Variants in SPATS2 observed in about 807,000 individuals in gnomAD.
SPATS2 encodes spermatogenesis associated serine rich 2.
SPATS2 carries 38 observed loss-of-function variants against 63.7 expected under a neutral mutation model. That is an observed-to-expected ratio of 0.60 (90% CI 0.46 to 0.78). The LOEUF (loss-of-function observed/expected upper bound fraction) is 0.78. SPATS2 is among the 30% of genes least tolerant of loss of function. The pLI is 0.00. For synonymous variants in SPATS2, 207 were observed against 232.9 expected (o/e 0.89, Z 1.01); for missense variants, 588 against 666.2 (o/e 0.88, Z 1.29).
At chr12:49,500,784 GAAA>G (rs917242854) in intron 9 of SPATS2, among the ~76,000 whole-genome samples, 1 of 144,610 alleles carries the variant, frequency 6.9e-6, no homozygotes, top group Non-Finnish European at 1.5e-5. Context: ...AAAAAGAAAA[GAAA>G]AAAAAAAGTC....
intron 2 of SPATS2, among the ~76,000 whole-genome samples, chr12:49,383,978 A>T (rs1320640317): frequency 6.6e-6 from 1 of 152,214 alleles, no homozygotes; most frequent in Non-Finnish European, 1.5e-5. Context: ...TTTACAGAAG[A>T]GTAAAGATAG....
chr12:49,494,306 T>C (rs1482907296), intron 6 of SPATS2, among the ~76,000 whole-genome samples: 1 of 152,234 alleles, frequency 6.6e-6, no homozygotes. Flanking sequence ...ATAATTGCAG[T>C]GCAGTTTTAA....
intron 3 of SPATS2, among the ~76,000 whole-genome samples, chr12:49,477,152 A>G (rs545191876): frequency 2.6e-5 from 4 of 152,124 alleles, no homozygotes; most frequent in African/African-American, 9.6e-5. Flanking sequence ...AGCTTATTCT[A>G]TTGCACCTAC....
At chr12:49,492,820 G>A (rs564125132) in intron 6 of SPATS2, among the ~76,000 whole-genome samples, 1 of 152,224 alleles carries the variant, frequency 6.6e-6, no homozygotes, top group South Asian at 2.1e-4. Context: ...ATGAGGCCGG[G>A]CACGGTGGTT....
In SPATS2 at chr12:49,496,984, T is replaced by TC; in HGVS notation, c.682dup (p.Leu228ProfsTer5). 6.4e-7 allele frequency: 1 copy of TC among 1,573,070 alleles called. No individual in the cohort carries two copies. The highest frequency in any genetic ancestry group is 1.4e-5 in the African/African-American group (1 of 72,498). On this transcript the variant is annotated frameshift_variant, in exon 8 of 14. Transcript: ENST00000552918. LOFTEE classifies it high-confidence loss of function. ...TTTCAAATATGGGGATGGAAGATGT[T>TC]CCCCTCGCCACCAGTAAAAAGCTAA...
chr12:49,385,971 C>G (rs1340076242), intron 2 of SPATS2, among the ~76,000 whole-genome samples: 1 of 150,382 alleles, frequency 6.6e-6, no homozygotes, highest in Admixed American at 6.6e-5. Flanking sequence ...TCAAGTGATT[C>G]TTGTGCCTCA....
intron 3 of SPATS2, among the ~76,000 whole-genome samples, chr12:49,468,660 A>G (rs919079488): frequency 1.3e-5 from 2 of 151,294 alleles, no homozygotes; most frequent in Middle Eastern, 3.4e-3. Context: ...TATTTTTTGT[A>G]GAGATGTGGT....
rs182885885 is a variant in SPATS2 at position 49,500,056 on chromosome 12, T to G, written c.704-14T>G. On this transcript the variant is annotated splice_polypyrimidine_tract_variant and intron_variant, in intron 8 of 13. Coordinates refer to ENST00000552918, the MANE Select transcript of SPATS2 (RefSeq NM_023071.4). ...TCTTTTTTTTTTTTTAATATTTCGGTTTTTTTCCCCAAGGTTCCAATATTG... is the reference window on the plus strand; with the variant it reads ...TCTTTTTTTTTTTTTAATATTTCGGGTTTTTTCCCCAAGGTTCCAATATTG... The G allele has an allele frequency of 1.1e-5, 16 of 1,439,476 alleles. No homozygotes were observed. Among genetic ancestry groups the G allele is most frequent in the Admixed American group, 1.1e-4 (4 of 36,910 alleles). 89.2% of individuals were successfully genotyped at this position (1,439,476 alleles called of 1,614,324 possible).
chr12:49,521,895 C>T (rs574753124), intron 11 of SPATS2, among the ~76,000 whole-genome samples: 10 of 152,202 alleles, frequency 6.6e-5, no homozygotes, highest in African/African-American at 2.2e-4. Context: ...TTCAGTGCTT[C>T]TGGTTGCTTC....
chr12:49,367,290 G>C, upstream of SPATS2: 1 of 357,854 alleles, frequency 2.8e-6, no homozygotes, highest in Non-Finnish European at 5.0e-6. Flanking sequence ...TGGCTGGCGC[G>C]CACGCGCCCG....
intron 2 of SPATS2, among the ~76,000 whole-genome samples, chr12:49,407,698 A>G (rs922392799): frequency 1.3e-4 from 20 of 152,128 alleles, no homozygotes; most frequent in Non-Finnish European, 2.9e-5. Context: ...TCTGGATCTG[A>G]TAGGCTCTGT....
rs1200608312 is a variant in SPATS2, at chr12:49,526,128, A to G, written c.1511A>G (p.Gln504Arg). The G allele has an allele frequency of 6.2e-7, 1 of 1,614,106 alleles. No homozygotes were observed. The highest frequency in any genetic ancestry group is 1.3e-5 in the African/African-American group (1 of 74,930). Residue 504 changes from glutamine to arginine, a missense_variant, in exon 14 of 14, where the codon CAG (glutamine) becomes CGG (arginine). Coordinates refer to ENST00000552918, the MANE Select transcript of SPATS2 (RefSeq NM_023071.4). ...CCAGGAAACACCATTGAAAGAGGCC[A>G]GACTCACTCTGCAGGGACCAATGGA... ...QAPGNTIERG[Q>R]THSAGTNGTG...
intron 9 of SPATS2, among the ~76,000 whole-genome samples, chr12:49,500,721 A>G (rs984310676): frequency 6.6e-6 from 1 of 152,044 alleles, no homozygotes; most frequent in Non-Finnish European, 1.5e-5. Context: ...GCAGTGAGCC[A>G]AGATCTCGCC....
intron 2 of SPATS2, among the ~76,000 whole-genome samples, chr12:49,397,994 T>C (rs1274250072): frequency 6.7e-6 from 1 of 149,710 alleles, no homozygotes; most frequent in East Asian, 2.0e-4. Flanking sequence ...TACAAAAAAA[T>C]ACAAAAATGA....
chr12:49,434,681 TA>T lies in SPATS2; in HGVS notation c.-243-26088del. Among the ~76,000 whole-genome samples, 3 of 152,324 alleles carry T rather than the reference TA, an allele frequency of 2.0e-5. No homozygotes were observed. The East Asian group carries it at 5.8e-4, about 29-fold the overall frequency. ...GCTGTACCCTCTGGTTCAGGAGTCA[TA>T]GTACTAGGGATGTGGTCTGTGACCA... On this transcript the variant is annotated intron_variant, in intron 2 of 13. Transcript: ENST00000552918.
At chr12:49,495,857 C>T (rs1016192369) in intron 7 of SPATS2, among the ~76,000 whole-genome samples, 9 of 152,124 alleles carry the variant, frequency 5.9e-5, no homozygotes, top group African/African-American at 2.2e-4. Flanking sequence ...ATAATTTCAG[C>T]TTTTGTGAGA....
intron 2 of SPATS2, among the ~76,000 whole-genome samples, chr12:49,375,609 A>G (rs962796356): frequency 1.5e-4 from 23 of 152,224 alleles, no homozygotes; most frequent in African/African-American, 5.3e-4. Flanking sequence ...ATCTAGTTAC[A>G]TTTTTATAGT....
At chr12:49,373,456 C>T (rs1252624757) in intron 2 of SPATS2, among the ~76,000 whole-genome samples, 1 of 152,152 alleles carries the variant, frequency 6.6e-6, no homozygotes, top group African/African-American at 2.4e-5. Context: ...AATTGCCATT[C>T]AGTTGAATTG....
chr12:49,427,776 G>C (rs1051806476), intron 2 of SPATS2, among the ~76,000 whole-genome samples: 7 of 152,008 alleles, frequency 4.6e-5, no homozygotes, highest in Non-Finnish European at 1.0e-4. Flanking sequence ...AAATGTATTG[G>C]CATAAGGTCA....
Sources: allele counts gnomAD v4.1 joint callset (sites outside exome capture counted in the v4.1 genomes callset), GRCh38; gene constraint gnomAD v4.1.1; transcripts MANE v1.5; gene names NCBI Gene and HGNC (gene_info 2026-07-23, HGNC 2026-07-21).